The following COL27A1 variants were observed in gnomAD, a reference collection of about 807,000 sequenced individuals.
The protein encoded by COL27A1 is collagen alpha-1(XXVII) chain.
A neutral mutation model predicts 251.3 loss-of-function variants in COL27A1; 106 were observed. The observed-to-expected ratio is 0.42, with a 90% confidence interval of 0.36 to 0.50. The LOEUF (loss-of-function observed/expected upper bound fraction) is 0.50, where lower values mean the gene tolerates loss of function less well. Ranked by LOEUF, COL27A1 falls within the 20% of genes least tolerant of loss-of-function variation. COL27A1 has a pLI of 0.00. For synonymous variants in COL27A1, 1,000 were observed against 986.3 expected, an observed-to-expected ratio of 1.01 and a Z score of -0.26; for missense variants, 2,325 against 2,522.8, an observed-to-expected ratio of 0.92 and a Z score of 1.68.
At chr9:114,224,180 T>C (rs148408612) in intron 14 of COL27A1, among the ~76,000 whole-genome samples, 1 of 152,332 alleles carries the variant, frequency 6.6e-6, no homozygotes, top group Non-Finnish European at 1.5e-5. Flanking sequence ...GCCATGGGAA[T>C]TCGAGAACTC....
At chr9:114,210,246 G>A (rs1464279924) in intron 11 of COL27A1, among the ~76,000 whole-genome samples, 7 of 152,200 alleles carry the variant, frequency 4.6e-5, no homozygotes, top group African/African-American at 1.4e-4. Context: ...TGTCAATGCC[G>A]CTTTCTCACT....
At chr9:114,227,456 C>T (rs1156897765) in intron 14 of COL27A1, among the ~76,000 whole-genome samples, 1 of 152,044 alleles carries the variant, frequency 6.6e-6, no homozygotes, top group Non-Finnish European at 1.5e-5. Context: ...AGGCAGGTTA[C>T]ATCACCTGTC....
At chr9:114,246,590 A>G (rs1833146835) in intron 24 of COL27A1, among the ~76,000 whole-genome samples, 1 of 152,126 alleles carries the variant, frequency 6.6e-6, no homozygotes, top group Admixed American at 6.5e-5. Context: ...TCCTTTAAAT[A>G]TGGAGCTCAT....
rs555858459 is a variant in COL27A1, at chr9:114,264,949, C to A, written c.3275C>A (p.Pro1092Gln). The change falls in exon 30 of 61, where the codon CCG becomes CAG. Residue 1092 changes from proline (P) to glutamine (Q), a missense_variant. Transcript: ENST00000356083. Reference sequence around the variant, plus strand: ...GGCCCTCCAGGACCCCAGGGCAGACCGGGCCGGCCTGGACAGCAGGTATGT... The same window carrying A: ...GGCCCTCCAGGACCCCAGGGCAGACAGGGCCGGCCTGGACAGCAGGTATGT... ...LKGPPGPQGR[P>Q]GRPGQQGVAG... 4 of 1,613,320 alleles carry A rather than the reference C, an allele frequency of 2.5e-6. No individual in the cohort carries two copies. Among genetic ancestry groups the A allele is most frequent in the Middle Eastern group, 1.7e-4 (1 of 6,060 alleles).
intron 14 of COL27A1, 115 bp downstream of exon 14, chr9:114,222,382 C>T: frequency 1.3e-6 from 1 of 760,832 alleles, no homozygotes; most frequent in Non-Finnish European, 1.9e-6. Context: ...ACCCTTCTCT[C>T]ATCAAACCCC....
In COL27A1 at chr9:114,169,247, G is replaced by T. The variant is rs1849136572; in HGVS notation, c.1692G>T (p.Arg564Ser). The change falls in exon 3 of 61, where the codon AGG (arginine) becomes AGT (serine). Residue 564 changes from arginine to serine, a missense_variant. This residue lies in a region of COL27A1 where 1,183 missense variants were observed against 1,144.1 expected (regional missense o/e 1.03). Transcript: ENST00000356083. Reference protein sequence around the residue: ...PVPLRPGKAARDVPLSDLTTR... With the variant: ...PVPLRPGKAASDVPLSDLTTR... ...CCCTCAGACCTGGGAAGGCAGCCAG[G>T]GATGTCCCCTTGAGCGATCTGACAA... 1 of 1,613,526 alleles carries T rather than the reference G, an allele frequency of 6.2e-7. No individual in the cohort carries two copies.
chr9:114,171,842 A>G (rs964157776), intron 3 of COL27A1, among the ~76,000 whole-genome samples: 2 of 152,144 alleles, frequency 1.3e-5, no homozygotes, highest in Admixed American at 1.3e-4. Context: ...TTAGGACCTC[A>G]TGAAAACTGG....
chr9:114,214,355 C>T (rs728249), intron 12 of COL27A1, among the ~76,000 whole-genome samples: 21 of 152,314 alleles, frequency 1.4e-4, no homozygotes, highest in Non-Finnish European at 2.2e-4. Context: ...TTGCAGCTGG[C>T]GTCATTTCTG....
At chr9:114,280,335 C>T (rs1835826159) in intron 37 of COL27A1, among the ~76,000 whole-genome samples, 1 of 151,922 alleles carries the variant, frequency 6.6e-6, no homozygotes, top group Admixed American at 6.6e-5. Context: ...TCCCAGGTAG[C>T]TGGATTACAG....
At chr9:114,159,648 G>A (rs1309056979) in intron 1 of COL27A1, among the ~76,000 whole-genome samples, 2 of 152,192 alleles carry the variant, frequency 1.3e-5, no homozygotes, top group East Asian at 3.9e-4. Context: ...ATTTCTCCGA[G>A]CCTTTGATAT....
intron 32 of COL27A1, 40 bp downstream of exon 32, chr9:114,265,515 T>C: frequency 6.3e-7 from 1 of 1,599,482 alleles, no homozygotes; most frequent in Non-Finnish European, 8.6e-7. Flanking sequence ...TCTTTGCCGC[T>C]GGCACCTGGG....
chr9:114,168,268 A>G lies in COL27A1; in HGVS notation c.713A>G (p.Gln238Arg), dbSNP rs144556713. 6.2e-6 allele frequency: 10 copies of G among 1,613,770 alleles called. No homozygotes were observed. Among genetic ancestry groups the G allele is most frequent in the East Asian group, 4.5e-5 (2 of 44,888 alleles). Reference protein sequence around the residue: ...YCTHLRKQCGQADTYQSPLGP... With the variant: ...YCTHLRKQCGRADTYQSPLGP... ...ACCCACCTGAGGAAGCAGTGTGGAC[A>G]GGCTGACACGTACCAGTCCCCACTG... Residue 238 changes from glutamine (Q) to arginine (R), a missense_variant, in exon 3 of 61, where the codon CAG becomes CGG. Gln to Arg is a conservative substitution (Grantham distance 43). Around this residue, in one of 4 missense-constraint regions of COL27A1, gnomAD observed 1,183 missense variants for 1,144.1 expected, o/e 1.03. Coordinates refer to ENST00000356083, the MANE Select transcript of COL27A1 (RefSeq NM_032888.4).
chr9:114,310,247 T>A (rs920369945), intron 60 of COL27A1, among the ~76,000 whole-genome samples: 21 of 152,134 alleles, frequency 1.4e-4, no homozygotes, highest in Admixed American at 2.6e-4. Context: ...AATTAAAAAA[T>A]ATATATATAT....
At chr9:114,289,166 C>CCCCCCGGGGGG in intron 44 of COL27A1, 76 bp from the exon 45 acceptor site, 1 of 1,434,942 alleles carries the variant, frequency 7.0e-7, no homozygotes, top group Non-Finnish European at 9.5e-7. Flanking sequence ...ACCCCTCCCC[C>CCCCCCGGGGGG]TCCAGGCGGA....
At position 114,290,913 on chromosome 9, in the gene COL27A1, T is replaced by C. The variant is rs1459295208; in HGVS notation, c.4472T>C (p.Phe1491Ser). ...GLPGAQGPPG[F>S]KGESGLPGQL... Reference sequence around the variant, plus strand: ...CCTGGAGCACAGGGACCCCCAGGATTCAAGGTCAGATACCTCTTAATACAC... The same window carrying C: ...CCTGGAGCACAGGGACCCCCAGGATCCAAGGTCAGATACCTCTTAATACAC... Residue 1491 changes from phenylalanine to serine, a missense_variant, in exon 48 of 61, where the codon TTC (phenylalanine) becomes TCC (serine). Around this residue, in one of 4 missense-constraint regions of COL27A1, gnomAD observed 153 missense variants for 140.7 expected, o/e 1.09. Coordinates refer to ENST00000356083, the MANE Select transcript of COL27A1 (RefSeq NM_032888.4). The surrounding 1 kb of genome is among the most constrained non-coding windows in gnomAD (Gnocchi z 4.6). 3.2e-6 allele frequency: 5 copies of C among 1,550,478 alleles called. No individual in the cohort carries two copies. The Admixed American group carries it at 9.8e-5, about 30-fold the overall frequency.
At chr9:114,189,038 T>C (rs1317906786) in intron 5 of COL27A1, among the ~76,000 whole-genome samples, 1 of 152,200 alleles carries the variant, frequency 6.6e-6, no homozygotes, top group African/African-American at 2.4e-5. Flanking sequence ...AGAAATGTTA[T>C]CCTTTAAAAA....
intron 3 of COL27A1, among the ~76,000 whole-genome samples, chr9:114,173,535 A>C (rs957207500): frequency 6.6e-6 from 1 of 151,544 alleles, no homozygotes; most frequent in Non-Finnish European, 1.5e-5. Flanking sequence ...TCAGCCATCC[A>C]TTCATTCTTT....
At chr9:114,270,577 A>G (rs1835073413) in intron 35 of COL27A1, 151 bp from the exon 36 acceptor site, 2 of 614,106 alleles carry the variant, frequency 3.3e-6, no homozygotes, top group Admixed American at 3.3e-5. Context: ...CCTGGCTACC[A>G]TGCACCCACT....
intron 3 of COL27A1, among the ~76,000 whole-genome samples, chr9:114,177,388 G>A (rs906626370): frequency 2.6e-5 from 4 of 152,176 alleles, no homozygotes; most frequent in Admixed American, 2.0e-4. Flanking sequence ...GTTGAGCAGG[G>A]GAGGGCTTTT....
Sources: gnomAD v4.1 joint callset for allele counts (sites outside exome capture counted in the v4.1 genomes callset) on GRCh38, gnomAD v4.1.1 for gene constraint, gnomAD v4.1.1 regional missense constraint, Gnocchi (gnomAD v3.1) non-coding constraint, MANE v1.5 for transcripts, NCBI Gene and HGNC (gene_info 2026-07-23, HGNC 2026-07-21) for gene names.